Variants in PCDHGA3 observed in about 807,000 individuals in gnomAD.
The protein encoded by PCDHGA3 is protocadherin gamma-A3.
Under a neutral mutation model 58.5 loss-of-function variants are expected in PCDHGA3, and 40 were observed. The ratio of observed to expected loss-of-function variants is 0.68; its 90% CI spans 0.53 to 0.89. The LOEUF (loss-of-function observed/expected upper bound fraction) is 0.89, where lower values mean the gene tolerates loss of function less well. Among genes scored for constraint, PCDHGA3 ranks in the 40% least tolerant of loss-of-function variants. PCDHGA3 has a pLI of 0.00. For synonymous variants in PCDHGA3, 530 were observed against 525.7 expected, an observed-to-expected ratio of 1.01 and a Z score of -0.11; for missense variants, 1,223 against 1,195.9, an observed-to-expected ratio of 1.02 and a Z score of -0.33.
intron 1 of PCDHGA3, among the ~76,000 whole-genome samples, chr5:141,429,629 C>G (rs2097230011): frequency 1.3e-5 from 2 of 152,160 alleles, no homozygotes; most frequent in Admixed American, 1.3e-4. Flanking sequence ...TATTTTCTCA[C>G]AGCTACCTAT....
At chr5:141,503,023 A>T (rs1163676028) in intron 2 of PCDHGA3, among the ~76,000 whole-genome samples, 1 of 141,884 alleles carries the variant, frequency 7.0e-6, no homozygotes, top group African/African-American at 2.6e-5. Context: ...TTTTTTTTTT[A>T]ATATCTATTT....
chr5:141,435,910 G>T (rs1296707748), intron 1 of PCDHGA3, among the ~76,000 whole-genome samples: 2 of 152,112 alleles, frequency 1.3e-5, no homozygotes, highest in Non-Finnish European at 2.9e-5. Flanking sequence ...ACATCCAAGG[G>T]CTCTAAAATG....
chr5:141,382,401 A>C (rs1778173427), intron 1 of PCDHGA3, among the ~76,000 whole-genome samples: 1 of 152,232 alleles, frequency 6.6e-6, no homozygotes, highest in Non-Finnish European at 1.5e-5. Context: ...TCCCATGTGC[A>C]ATAACGTGTG....
rs70988800 is a variant in PCDHGA3, at chr5:141,379,889, C to CTTTTTTTTTTTTTTTTTTTT, written c.2424+33443_2424+33462dup. 2.5e-3 allele frequency among the ~76,000 whole-genome samples: 127 copies of CTTTTTTTTTTTTTTTTTTTT among 50,836 alleles called. 11 individuals carry two copies. The highest frequency in any genetic ancestry group is 3.1e-3 in the Non-Finnish European group (79 of 25,888). The allele number at this position is 50,836 out of a possible 152,430, so 33.4% of individuals were successfully genotyped here. On this transcript the variant is annotated intron_variant, in intron 1 of 3. Transcript: ENST00000253812. ...CTTATTTTATGGTCTGTGAAAGCCT[C>CTTTTTTTTTTTTTTTTTTTT]TTTTTTTTTTTTTTTTTTTTTTTTT...
chr5:141,510,032 T>C (rs1410346284), intron 3 of PCDHGA3, among the ~76,000 whole-genome samples: 3 of 152,150 alleles, frequency 2.0e-5, no homozygotes, highest in Non-Finnish European at 4.4e-5. Flanking sequence ...GCTGGGCTGT[T>C]ATGTAGAGGT....
intron 1 of PCDHGA3, chr5:141,356,428 C>A: frequency 6.8e-6 from 11 of 1,608,476 alleles, no homozygotes; most frequent in Non-Finnish European, 8.5e-6. Flanking sequence ...ACACAGAACA[C>A]TGGACAGGGA....
At position 141,487,667 on chromosome 5, in the gene PCDHGA3, ATATGGCTAGGCCATG is replaced by A; in HGVS notation, c.2425-7138_2425-7124del. 1.9e-6 allele frequency: 3 copies of A among 1,612,782 alleles called. No individual in the cohort carries two copies. In the South Asian group the frequency reaches 3.3e-5, roughly 18 times the overall value. ...GCTTGAGGGTTATTCTGATCCAGGC[ATATGGCTAGGCCATG>A]TCCTAGAGAGTACTGGCCTCTCAGT... On this transcript the variant is annotated intron_variant, in intron 1 of 3. Transcript: ENST00000253812. The surrounding 1 kb of genome is among the most constrained non-coding windows in gnomAD (Gnocchi z 5.0).
chr5:141,399,396 G>C, intron 1 of PCDHGA3: 1 of 1,613,960 alleles, frequency 6.2e-7, no homozygotes, highest in Non-Finnish European at 8.5e-7. Flanking sequence ...CCACAGACAG[G>C]GGCAAGCCGC....
chr5:141,371,913 G>A lies in PCDHGA3; in HGVS notation c.2424+25456G>A, dbSNP rs569737317. ...GCGGGAGCTGTCGTCCTACGTGTCC[G>A]TGAGCGCGCGGAGCGGGGTGGTGTT... is the stretch of plus-strand genomic sequence containing the variant. On this transcript the variant is annotated intron_variant, in intron 1 of 3. Transcript: ENST00000253812. 28 of 1,613,394 alleles carry A rather than the reference G, an allele frequency of 1.7e-5. No homozygotes were observed. The highest frequency in any genetic ancestry group is 1.6e-4 in the African/African-American group (12 of 75,086).
intron 1 of PCDHGA3, chr5:141,371,983 T>C (rs1411843900): frequency 2.5e-6 from 4 of 1,613,106 alleles, no homozygotes; most frequent in Non-Finnish European, 3.4e-6. Flanking sequence ...GCCTTCGAGC[T>C]CACTCTGCAG....
intron 1 of PCDHGA3, chr5:141,355,859 C>T (rs1369885951): frequency 4.3e-6 from 7 of 1,612,322 alleles, no homozygotes; most frequent in Non-Finnish European, 5.9e-6. Flanking sequence ...GGAGGTGACC[C>T]GGTTCGCTCT....
In PCDHGA3 at chr5:141,489,663, C is replaced by T. The variant is rs1183544696; in HGVS notation, c.2425-5144C>T. The T allele has an allele frequency of 1.9e-6, 3 of 1,614,048 alleles. No individual in the cohort carries two copies. The highest frequency in any genetic ancestry group is 2.2e-5 in the South Asian group (2 of 91,094). ...TTGCCACCCCTGAGCGAGAGATGCGCATCTCAGAATCAGCAGCATCTGGGG... is the reference window on the plus strand; with the variant it reads ...TTGCCACCCCTGAGCGAGAGATGCGTATCTCAGAATCAGCAGCATCTGGGG... On this transcript the variant is annotated intron_variant, in intron 1 of 3. Coordinates refer to ENST00000253812, the MANE Select transcript of PCDHGA3 (RefSeq NM_018916.4). This position sits in a 1 kb window ranked among gnomAD's most constrained non-coding sequence, Gnocchi z 4.5.
At chr5:141,398,957 T>G (rs1307112913) in intron 1 of PCDHGA3, 1 of 1,613,868 alleles carries the variant, frequency 6.2e-7, no homozygotes, top group South Asian at 1.1e-5. Context: ...AACTCAGAAA[T>G]TACTTATTCC....
chr5:141,394,100 A>G (rs370480326), intron 1 of PCDHGA3: 2 of 1,613,942 alleles, frequency 1.2e-6, no homozygotes, highest in Non-Finnish European at 1.7e-6. Context: ...ATCTAGGAAC[A>G]CCACCTCTGT....
chr5:141,403,403 C>G (rs755177334), intron 1 of PCDHGA3: 2 of 1,614,066 alleles, frequency 1.2e-6, no homozygotes, highest in Non-Finnish European at 1.7e-6. Context: ...TCCTGGAGCA[C>G]GTTATCCACT....
chr5:141,351,866 C>G (rs750513233), intron 1 of PCDHGA3: 1 of 1,613,268 alleles, frequency 6.2e-7, no homozygotes, highest in South Asian at 1.1e-5. Flanking sequence ...CCAGGGCTCC[C>G]CCGCGCTCAG....
intron 1 of PCDHGA3, among the ~76,000 whole-genome samples, chr5:141,452,072 G>A (rs550370876): frequency 1.3e-5 from 2 of 152,272 alleles, no homozygotes; most frequent in East Asian, 1.9e-4. Flanking sequence ...ACTTTTATTA[G>A]TTGGCATTAT....
intron 1 of PCDHGA3, among the ~76,000 whole-genome samples, chr5:141,349,440 C>T (rs1758293813): frequency 1.3e-5 from 2 of 152,124 alleles, no homozygotes; most frequent in African/African-American, 2.4e-5. Context: ...TGAGATTCCA[C>T]TTCATAAAAG....
intron 1 of PCDHGA3, among the ~76,000 whole-genome samples, chr5:141,381,826 CTTTTTTTTTTTT>C (rs770630741): frequency 2.7e-5 from 2 of 74,284 alleles, no homozygotes; most frequent in Non-Finnish European, 4.7e-5. Flanking sequence ...CTTTCTTCTT[CTTTTTTTTTTTT>C]TTTTTTTTTT....
Sources: gnomAD v4.1 joint callset for allele counts (sites outside exome capture counted in the v4.1 genomes callset) on GRCh38, gnomAD v4.1.1 for gene constraint, Gnocchi (gnomAD v3.1) non-coding constraint, MANE v1.5 for transcripts, NCBI Gene and HGNC (gene_info 2026-07-23, HGNC 2026-07-21) for gene names.